FMNL2: variants seen among roughly 807,000 people sequenced by gnomAD.
The protein encoded by FMNL2 is formin like 2.
In FMNL2, 51 loss-of-function variants were observed where a neutral mutation model predicts 130.2. The ratio of observed to expected loss-of-function variants is 0.39; its 90% CI spans 0.31 to 0.49. The LOEUF (loss-of-function observed/expected upper bound fraction) is 0.49, where lower values mean the gene tolerates loss of function less well. Ranked by LOEUF, FMNL2 falls within the 20% of genes least tolerant of loss-of-function variation. The pLI is 0.85. For synonymous variants in FMNL2, 465 were observed against 467.1 expected (o/e 1.00, Z 0.06); for missense variants, 977 against 1,316.2 (o/e 0.74, Z 3.99).
chr2:152,570,530 A>G (rs1238858799), intron 6 of FMNL2, among the ~76,000 whole-genome samples: 1 of 152,210 alleles, frequency 6.6e-6, no homozygotes, highest in African/African-American at 2.4e-5. Context: ...CAGGGCCCCA[A>G]AGGCTCTTCT....
intron 1 of FMNL2, among the ~76,000 whole-genome samples, chr2:152,363,254 A>G (rs1579482655): frequency 6.6e-6 from 1 of 152,330 alleles, no homozygotes; most frequent in Admixed American, 6.5e-5. Flanking sequence ...TCACACTGCA[A>G]ATGATTCTGA....
At chr2:152,376,592 A>T (rs1368864904) in intron 1 of FMNL2, among the ~76,000 whole-genome samples, 1 of 152,246 alleles carries the variant, frequency 6.6e-6, no homozygotes, top group Non-Finnish European at 1.5e-5. Flanking sequence ...GCCTTGGGCA[A>T]CTTGCCAGCT....
chr2:152,504,751 G>T (rs530689091), intron 1 of FMNL2, among the ~76,000 whole-genome samples: 103 of 152,092 alleles, frequency 6.8e-4, no homozygotes, highest in Non-Finnish European at 1.1e-3. Context: ...CATCTCAGAG[G>T]CTTGTAAGAG....
At chr2:152,623,598 GC>G (rs1219722075) in intron 15 of FMNL2, among the ~76,000 whole-genome samples, 15 of 152,118 alleles carry the variant, frequency 9.9e-5, no homozygotes, top group Admixed American at 9.8e-4. Context: ...AGGCAGGCAG[GC>G]AGCCAGCTAC....
chr2:152,593,795 G>A (rs1313623686), intron 9 of FMNL2, among the ~76,000 whole-genome samples: 1 of 146,752 alleles, frequency 6.8e-6, no homozygotes, highest in Admixed American at 6.8e-5. Flanking sequence ...GCTGTGCAAT[G>A]AAGGTAATGA....
chr2:152,641,561 A>T (rs1366614390), intron 25 of FMNL2, among the ~76,000 whole-genome samples: 1 of 152,198 alleles, frequency 6.6e-6, no homozygotes, highest in Non-Finnish European at 1.5e-5. Flanking sequence ...TTGCACATGA[A>T]TGTTGCTTAT....
In FMNL2 at chr2:152,589,963, A is replaced by ATATATATG. The variant is rs1697306416; in HGVS notation, c.876+8921_876+8922insGTATATAT. 6.3e-5 allele frequency among the ~76,000 whole-genome samples: 2 copies of ATATATATG among 31,784 alleles called. 1 individual carries two copies. Among genetic ancestry groups the ATATATATG allele is most frequent in the Non-Finnish European group, 1.3e-4 (2 of 15,438 alleles). 20.9% of individuals were successfully genotyped at this position (31,784 alleles called of 152,430 possible). ...TACATATATATATATATATATATAT[A>ATATATATG]TATATATATATATATATATATGTAT... On this transcript the variant is annotated intron_variant, in intron 9 of 25. Transcript: ENST00000288670.
intron 23 of FMNL2, among the ~76,000 whole-genome samples, chr2:152,639,051 TC>T (rs1682866417): frequency 2.9e-5 from 1 of 34,670 alleles, no homozygotes. Flanking sequence ...TCACTGTTCC[TC>T]CCTGTGATTT....
chr2:152,571,183 TCTC>T (rs74934498), intron 6 of FMNL2, among the ~76,000 whole-genome samples: 23,993 of 152,084 alleles, frequency 0.16, 2,207 homozygotes, highest in Non-Finnish European at 0.22. Context: ...TTTTCCTCCT[TCTC>T]CTCTCCTGGC....
At chr2:152,630,008 G>A (rs1682057006) in intron 20 of FMNL2, 103 bp downstream of exon 20, 1 of 1,062,210 alleles carries the variant, frequency 9.4e-7, no homozygotes, top group African/African-American at 1.6e-5. Flanking sequence ...TTTCTGCTAT[G>A]GGAGGATCAA....
At chr2:152,578,641 T>A in intron 7 of FMNL2, 2 of 286,016 alleles carry the variant, frequency 7.0e-6, no homozygotes, top group Non-Finnish European at 1.3e-5. Flanking sequence ...GGACTCAAGC[T>A]GTACCCCCCG....
intron 4 of FMNL2, among the ~76,000 whole-genome samples, chr2:152,550,630 A>G (rs540364153): frequency 1.2e-4 from 19 of 152,328 alleles, no homozygotes; most frequent in East Asian, 1.2e-3. Flanking sequence ...ATTATCAGGG[A>G]TCTGGGATCA....
intron 2 of FMNL2, among the ~76,000 whole-genome samples, chr2:152,527,553 C>T (rs1256127970): frequency 6.6e-6 from 1 of 152,050 alleles, no homozygotes; most frequent in Non-Finnish European, 1.5e-5. Context: ...ATAATTATTC[C>T]TGGAATTTTT....
In FMNL2 at chr2:152,444,160, G is replaced by T. The variant is rs555346341; in HGVS notation, c.118-77783G>T. ...GACTGGAAGGAGAGAGGGCAGCCGA[G>T]TAGAGGGTGGGGTAGCTGGGGGATT... On this transcript the variant is annotated intron_variant, in intron 1 of 25. Transcript: ENST00000288670. Among the ~76,000 whole-genome samples, 39 of 152,324 alleles carry T rather than the reference G, an allele frequency of 2.6e-4. No homozygotes were observed. In the East Asian group the frequency reaches 5.0e-3, roughly 20 times the overall value.
chr2:152,615,664 A>C (rs1228998059), intron 12 of FMNL2, among the ~76,000 whole-genome samples: 2 of 152,232 alleles, frequency 1.3e-5, no homozygotes, highest in African/African-American at 2.4e-5. Context: ...TTCATTAACC[A>C]CATATTTCAG....
At chr2:152,476,982 G>C (rs187915763) in intron 1 of FMNL2, among the ~76,000 whole-genome samples, 18 of 152,236 alleles carry the variant, frequency 1.2e-4, no homozygotes, top group Admixed American at 2.6e-4. Context: ...GATCATTTGT[G>C]TAAGATCTTA....
chr2:152,558,866 C>G lies in FMNL2; in HGVS notation c.443+43C>G, dbSNP rs1579959722. The G allele has an allele frequency of 3.9e-6, 6 of 1,520,530 alleles. No homozygotes were observed. In the East Asian group the frequency reaches 1.4e-4, roughly 34 times the overall value. The allele number at this position is 1,520,530 out of a possible 1,614,324, so 94.2% of individuals were successfully genotyped here. On this transcript the variant is annotated intron_variant, in intron 5 of 25. Coordinates refer to ENST00000288670, the MANE Select transcript of FMNL2 (RefSeq NM_052905.4). ...TGCTTGCATTTGAATTTTATGTGGT[C>G]ACAGCAGATGCTACTCAGTGGTAAA... is the stretch of plus-strand genomic sequence containing the variant.
chr2:152,370,495 T>C (rs951425659), intron 1 of FMNL2, among the ~76,000 whole-genome samples: 6 of 152,228 alleles, frequency 3.9e-5, no homozygotes, highest in African/African-American at 1.4e-4. Context: ...TGAGCTTTTA[T>C]TACCATTAGG....
At chr2:152,557,913 A>G (rs140120076) in intron 4 of FMNL2, among the ~76,000 whole-genome samples, 71 of 152,282 alleles carry the variant, frequency 4.7e-4, no homozygotes, top group African/African-American at 1.6e-3. Flanking sequence ...TTAATCAGGT[A>G]CCATATGTTG....
Sources: gnomAD v4.1 joint callset for allele counts (sites outside exome capture counted in the v4.1 genomes callset) on GRCh38, gnomAD v4.1.1 for gene constraint, MANE v1.5 for transcripts, NCBI Gene and HGNC (gene_info 2026-07-23, HGNC 2026-07-21) for gene names.